Variants in CMIP observed in about 807,000 individuals in gnomAD.
CMIP encodes the protein C-Maf-inducing protein.
A neutral mutation model predicts 97.3 loss-of-function variants in CMIP; 13 were observed. That is an observed-to-expected ratio of 0.13 (90% CI 0.09 to 0.21). CMIP has a LOEUF of 0.21. Among genes scored for constraint, CMIP ranks in the 10% least tolerant of loss-of-function variants. The probability of loss-of-function intolerance (pLI) is 1.00; values close to 1 mark genes in which losing one functional copy is unlikely to be tolerated. For missense variants in CMIP, 847 were observed against 1,024.9 expected, an observed-to-expected ratio of 0.83 and a Z score of 2.37; for synonymous variants, 538 against 436.3, an observed-to-expected ratio of 1.23 and a Z score of -2.91.
chr16:81,598,656 C>T (rs2091604139), intron 1 of CMIP, among the ~76,000 whole-genome samples: 1 of 152,206 alleles, frequency 6.6e-6, no homozygotes, highest in South Asian at 2.1e-4. Context: ...CCTGGTTTCA[C>T]AGGCCACAAC....
At chr16:81,633,055 A>G (rs936448540) in intron 3 of CMIP, among the ~76,000 whole-genome samples, 3 of 152,260 alleles carry the variant, frequency 2.0e-5, no homozygotes, top group African/African-American at 7.2e-5. Context: ...CTGATGAGTC[A>G]TGGAGCCATA....
chr16:81,639,367 CCAGAACTTTCTCCT>C (rs1460826322), intron 3 of CMIP, among the ~76,000 whole-genome samples: 3 of 152,230 alleles, frequency 2.0e-5, no homozygotes, highest in Non-Finnish European at 2.9e-5. Flanking sequence ...CCATCCGTCT[CCAGAACTTTCTCCT>C]CTTCCCAAAT....
intron 3 of CMIP, chr16:81,630,385 G>T (rs912360434): frequency 1.3e-5 from 2 of 152,312 alleles, no homozygotes; most frequent in East Asian, 1.9e-4. Flanking sequence ...ATCAGCCACC[G>T]CATGCTTTGC....
rs968595611 is a variant in CMIP at position 81,701,573 on chromosome 16, T to C, written c.1756-87T>C. On this transcript the variant is annotated intron_variant, in intron 15 of 20. Transcript: ENST00000537098. ...AAAGGGGATAGTGGGGTTGCTGGTTTTCAAAACAAGGCCCTTGGGGTGCAC... is the reference window on the plus strand; with the variant it reads ...AAAGGGGATAGTGGGGTTGCTGGTTCTCAAAACAAGGCCCTTGGGGTGCAC... The C allele has an allele frequency of 6.9e-6, 11 of 1,589,352 alleles. 1 individual carries two copies. The South Asian group carries it at 1.2e-4, about 18-fold the overall frequency.
intron 1 of CMIP, among the ~76,000 whole-genome samples, chr16:81,540,974 C>T (rs2090438915): frequency 6.6e-6 from 1 of 151,476 alleles, no homozygotes; most frequent in Non-Finnish European, 1.5e-5. Flanking sequence ...GCCACTGCAC[C>T]CGGCCTTTTT....
intron 9 of CMIP, among the ~76,000 whole-genome samples, chr16:81,673,484 C>G (rs997899198): frequency 6.6e-6 from 1 of 151,992 alleles, no homozygotes; most frequent in Non-Finnish European, 1.5e-5. Context: ...CCACTGCACT[C>G]CAGCCTGTGC....
At chr16:81,516,486 C>G (rs2089916577) in intron 1 of CMIP, among the ~76,000 whole-genome samples, 1 of 152,218 alleles carries the variant, frequency 6.6e-6, no homozygotes, top group South Asian at 2.1e-4. Context: ...CTCCCCACTC[C>G]CTTCCCTGGA....
intron 6 of CMIP, among the ~76,000 whole-genome samples, chr16:81,662,674 G>T (rs2092560374): frequency 6.6e-6 from 1 of 152,180 alleles, no homozygotes; most frequent in Non-Finnish European, 1.5e-5. Context: ...TCTTATCCCA[G>T]GTCTAGCATC....
intron 1 of CMIP, among the ~76,000 whole-genome samples, chr16:81,525,087 T>G (rs1246099637): frequency 6.7e-6 from 1 of 150,030 alleles, no homozygotes; most frequent in East Asian, 2.0e-4. Flanking sequence ...TGAGCCACCA[T>G]GCCTGGCCCC....
intron 6 of CMIP, among the ~76,000 whole-genome samples, chr16:81,661,296 G>A (rs1342363990): frequency 6.6e-6 from 1 of 152,246 alleles, no homozygotes; most frequent in African/African-American, 2.4e-5. Context: ...ACGGTGGGGT[G>A]CGGCTGTGGG....
In CMIP at chr16:81,445,236, G is replaced by C. The variant is rs2150722927; in HGVS notation, c.-6G>C. 4 of 1,485,456 alleles carry C rather than the reference G, an allele frequency of 2.7e-6. No individual in the cohort carries two copies. The highest frequency in any genetic ancestry group is 3.6e-6 in the Non-Finnish European group (4 of 1,116,746). The allele number at this position is 1,485,456 out of a possible 1,614,324, so 92.0% of individuals were successfully genotyped here. A position where few individuals can be genotyped will look rare whatever the true frequency, so the allele number is the denominator to read the frequency against. On this transcript the variant is annotated 5_prime_UTR_variant, in exon 1 of 21. Coordinates refer to ENST00000537098, the MANE Select transcript of CMIP (RefSeq NM_198390.3). ...CCCGCCCCCAGCCCCCTCCCCCGGC[G>C]CGGCCATGGATGTGACCAGCAGCTC...
At chr16:81,565,614 G>A (rs2090965700) in intron 1 of CMIP, among the ~76,000 whole-genome samples, 1 of 152,204 alleles carries the variant, frequency 6.6e-6, no homozygotes, top group South Asian at 2.1e-4. Flanking sequence ...CTGCCAGGTG[G>A]GGTCCTAGTA....
chr16:81,454,312 TAA>T (rs1906415162), intron 1 of CMIP, among the ~76,000 whole-genome samples: 1 of 152,146 alleles, frequency 6.6e-6, no homozygotes, highest in Non-Finnish European at 1.5e-5. Context: ...GAGTCTCAGA[TAA>T]AGAGAGCTGG....
At chr16:81,693,720 C>G (rs1302272900) in intron 13 of CMIP, among the ~76,000 whole-genome samples, 1 of 152,228 alleles carries the variant, frequency 6.6e-6, no homozygotes, top group Admixed American at 6.5e-5. Flanking sequence ...CTGGTGGTTT[C>G]TGCCCGCAGC....
intron 1 of CMIP, among the ~76,000 whole-genome samples, chr16:81,460,599 G>A (rs1906843223): frequency 6.6e-6 from 1 of 152,110 alleles, no homozygotes; most frequent in African/African-American, 2.4e-5. Flanking sequence ...TCCCCTGTAC[G>A]CTGCCCATGC....
At chr16:81,555,735 C>T (rs1049399979) in intron 1 of CMIP, among the ~76,000 whole-genome samples, 1 of 152,150 alleles carries the variant, frequency 6.6e-6, no homozygotes, top group African/African-American at 2.4e-5. Flanking sequence ...GAAACGTCCC[C>T]ACCTAAGCCT....
intron 1 of CMIP, among the ~76,000 whole-genome samples, chr16:81,595,621 T>G (rs1279000068): frequency 6.6e-6 from 1 of 152,154 alleles, no homozygotes; most frequent in Non-Finnish European, 1.5e-5. Context: ...ACTCCTGACC[T>G]CAAGTGATCT....
At chr16:81,531,917 G>C (rs185069756) in intron 1 of CMIP, among the ~76,000 whole-genome samples, 100 of 152,294 alleles carry the variant, frequency 6.6e-4, no homozygotes, top group African/African-American at 2.3e-3. Context: ...TCATAAATTT[G>C]CTTACATGGG....
At chr16:81,560,320 G>A (rs891674519) in intron 1 of CMIP, among the ~76,000 whole-genome samples, 16 of 151,282 alleles carry the variant, frequency 1.1e-4, no homozygotes, top group African/African-American at 2.7e-4. Context: ...CCGGGTTCAC[G>A]CCATTCTCCT....
Sources: gnomAD v4.1 joint callset for allele counts (sites outside exome capture counted in the v4.1 genomes callset) on GRCh38, gnomAD v4.1.1 for gene constraint, MANE v1.5 for transcripts, NCBI Gene and HGNC (gene_info 2026-07-23, HGNC 2026-07-21) for gene names.